Variants in C14orf93 observed in about 807,000 individuals in gnomAD.
C14orf93 encodes the protein chromosome 14 open reading frame 93.
C14orf93 carries 23 observed loss-of-function variants against 44.0 expected under a neutral mutation model. The ratio of observed to expected loss-of-function variants is 0.52; its 90% confidence interval spans 0.38 to 0.74. The LOEUF is 0.74. Among genes scored for constraint, C14orf93 ranks in the 30% least tolerant of loss-of-function variants. C14orf93 has a pLI of 0.00. For synonymous variants in C14orf93, 253 were observed against 265.7 expected, an observed-to-expected ratio of 0.95 and a Z score of 0.46; for missense variants, 579 against 678.9, an observed-to-expected ratio of 0.85 and a Z score of 1.64.
chr14:22,990,466 T>C (rs1453344225), intron 3 of C14orf93, among the ~76,000 whole-genome samples: 1 of 149,218 alleles, frequency 6.7e-6, no homozygotes, highest in African/African-American at 2.4e-5. Flanking sequence ...TCTTTTTTAC[T>C]TTTCTTTCTT....
chr14:23,009,771 AT>A (rs1418184313), intron 1 of C14orf93, among the ~76,000 whole-genome samples: 2 of 152,162 alleles, frequency 1.3e-5, no homozygotes, highest in Admixed American at 6.5e-5. Context: ...CGCTTAAAAA[AT>A]TCTGTACTTC....
In C14orf93 at chr14:22,987,120, GCACAGAGCAT is replaced by G; in HGVS notation, c.*85_*94del. 7.5e-7 allele frequency: 1 copy of G among 1,341,042 alleles called. No individual in the cohort carries two copies. Among genetic ancestry groups the G allele is most frequent in the Non-Finnish European group, 1.0e-6 (1 of 990,070 alleles). 83.1% of individuals were successfully genotyped at this position (1,341,042 alleles called of 1,614,324 possible). A position where few individuals can be genotyped will look rare whatever the true frequency, so the allele number is the denominator to read the frequency against. On this transcript the variant is annotated 3_prime_UTR_variant, in exon 7 of 7. Coordinates refer to ENST00000299088, the MANE Select transcript of C14orf93 (RefSeq NM_021944.4). This position sits in a 1 kb window ranked among gnomAD's most constrained non-coding sequence, Gnocchi z 5.6. ...AGAGGCAAATTTGCTTTCTCAGACT[GCACAGAGCAT>G]CTCATTATTTTGTGAAGCCCCATGG...
At chr14:23,008,882 A>T (rs1049991960) in intron 1 of C14orf93, among the ~76,000 whole-genome samples, 2 of 152,176 alleles carry the variant, frequency 1.3e-5, no homozygotes, top group Non-Finnish European at 1.5e-5. Context: ...ATCACCATGA[A>T]CAGTTTTTGA....
At chr14:23,006,532 A>G (rs186567265) in intron 1 of C14orf93, 18 of 152,358 alleles carry the variant, frequency 1.2e-4, no homozygotes, top group African/African-American at 4.3e-4. Context: ...ACATTTGCTA[A>G]GATTACATTG....
In C14orf93 at chr14:22,992,479, AAAG is replaced by A. The variant is rs2045708082; in HGVS notation, c.919-2355_919-2353del. 2.0e-5 allele frequency among the ~76,000 whole-genome samples: 3 copies of A among 151,272 alleles called. No individual in the cohort carries two copies. The South Asian group carries it at 6.2e-4, about 31-fold the overall frequency. On this transcript the variant is annotated intron_variant, in intron 3 of 6. Coordinates refer to ENST00000299088, the MANE Select transcript of C14orf93 (RefSeq NM_021944.4). ...AGACTCTGTTTCAAAAAAAAAAAAA[AAAG>A]AAAGAAAAAGTTTTGCCTTAGATGC...
intron 5 of C14orf93, among the ~76,000 whole-genome samples, chr14:22,988,421 G>A (rs929797604): frequency 1.6e-4 from 24 of 152,300 alleles, no homozygotes; most frequent in Admixed American, 1.6e-3. Context: ...AGCCGTGCCT[G>A]GCCTAGATGC....
Position 22,987,644 on chromosome 14 carries a change from G to A in C14orf93, c.1198-10C>T. The A allele has an allele frequency of 6.4e-7, 1 of 1,568,348 alleles. No homozygotes were observed. Among genetic ancestry groups the A allele is most frequent in the Non-Finnish European group, 8.6e-7 (1 of 1,158,756 alleles). ...ATCGGTTGGCAAAAAGCTAAGGCAG[G>A]AACCCAGGAGATAGATTAGGAAGGT... On this transcript the variant is annotated splice_polypyrimidine_tract_variant and intron_variant, in intron 6 of 6. Coordinates refer to ENST00000299088, the MANE Select transcript of C14orf93 (RefSeq NM_021944.4). This position sits in a 1 kb window ranked among gnomAD's most constrained non-coding sequence, Gnocchi z 5.6.
At chr14:23,000,334 T>C (rs1022694359) in intron 1 of C14orf93, among the ~76,000 whole-genome samples, 1 of 152,160 alleles carries the variant, frequency 6.6e-6, no homozygotes, top group Non-Finnish European at 1.5e-5. Context: ...ATCCTTCTGA[T>C]GTGCCATGTC....
intron 3 of C14orf93, among the ~76,000 whole-genome samples, chr14:22,992,512 A>G (rs2045710742): frequency 6.6e-6 from 1 of 151,348 alleles, no homozygotes; most frequent in Non-Finnish European, 1.5e-5. Context: ...AGATGCTTCA[A>G]AATCTGTTCC....
intron 3 of C14orf93, among the ~76,000 whole-genome samples, chr14:22,992,334 C>T (rs1176055305): frequency 1.3e-5 from 2 of 151,714 alleles, no homozygotes; most frequent in African/African-American, 2.4e-5. Context: ...GGCGTGGTGG[C>T]GTGCGACTGT....
At chr14:22,997,424 G>A (rs1480233495) in intron 2 of C14orf93, among the ~76,000 whole-genome samples, 2 of 152,292 alleles carry the variant, frequency 1.3e-5, no homozygotes, top group East Asian at 3.9e-4. Context: ...TCTTGTTGTG[G>A]GGGGAGGAGA....
intron 3 of C14orf93, among the ~76,000 whole-genome samples, chr14:22,995,253 C>G (rs1002159894): frequency 6.6e-6 from 1 of 152,230 alleles, no homozygotes; most frequent in African/African-American, 2.4e-5. Flanking sequence ...AGGACAGCTT[C>G]ACTTGCTTTT....
chr14:23,000,608 C>T (rs1329244410), intron 1 of C14orf93, among the ~76,000 whole-genome samples: 6 of 149,204 alleles, frequency 4.0e-5, no homozygotes, highest in Admixed American at 3.4e-4. Context: ...CCCAGCTACT[C>T]GGGAGGTTGA....
Position 22,987,186 on chromosome 14 carries a change from G to A in C14orf93, c.*29C>T. The A allele has an allele frequency of 6.4e-7, 1 of 1,571,848 alleles. No individual in the cohort carries two copies. Among genetic ancestry groups the A allele is most frequent in the African/African-American group, 1.3e-5 (1 of 74,240 alleles). The stretch of plus-strand genomic sequence containing the variant: ...TATTTCTGAGACATGGGGCATGGCG[G>A]AAGCCAGAGTTATTCTTGGCTGTAG... On this transcript the variant is annotated 3_prime_UTR_variant, in exon 7 of 7. Coordinates refer to ENST00000299088, the MANE Select transcript of C14orf93 (RefSeq NM_021944.4). The surrounding 1 kb of genome is among the most constrained non-coding windows in gnomAD (Gnocchi z 5.6).
At chr14:23,002,157 A>C (rs2046341895) in intron 1 of C14orf93, among the ~76,000 whole-genome samples, 2 of 150,526 alleles carry the variant, frequency 1.3e-5, no homozygotes, top group Middle Eastern at 3.5e-3. Flanking sequence ...TCAAAAAAAA[A>C]AAAAAAAGGG....
Position 22,986,773 on chromosome 14 carries a change from G to C in C14orf93, c.*442C>G, listed in dbSNP as rs2045247207. ...CCAGGTGGCGGTATTAACCTGCACT[G>C]GTCATGTTCGGTTTCCACTGCAGAG... is the stretch of plus-strand genomic sequence containing the variant. On this transcript the variant is annotated 3_prime_UTR_variant, in exon 7 of 7. Coordinates refer to ENST00000299088, the MANE Select transcript of C14orf93 (RefSeq NM_021944.4). 1 of 191,308 alleles carries C rather than the reference G, an allele frequency of 5.2e-6. No homozygotes were observed. The highest frequency in any genetic ancestry group is 1.1e-5 in the Non-Finnish European group (1 of 90,826). 11.9% of individuals were successfully genotyped at this position (191,308 alleles called of 1,614,324 possible). A position where few individuals can be genotyped will look rare whatever the true frequency, so the allele number is the denominator to read the frequency against.
In C14orf93 at chr14:23,003,026, T is replaced by G. The variant is rs74913575; in HGVS notation, c.-379-3624A>C. On this transcript the variant is annotated intron_variant, in intron 1 of 6. Transcript: ENST00000299088. Reference sequence around the variant, plus strand: ...AATTAGAAAGGTAATTTAGTATTTGTAATTTACTTGCTATCATGACCTGGT... The same window carrying G: ...AATTAGAAAGGTAATTTAGTATTTGGAATTTACTTGCTATCATGACCTGGT... 2.4e-3 allele frequency among the ~76,000 whole-genome samples: 367 copies of G among 152,366 alleles called. 1 individual carries two copies. Among genetic ancestry groups the G allele is most frequent in the African/African-American group, 8.4e-3 (349 of 41,580 alleles).
At position 22,987,449 on chromosome 14, in the gene C14orf93, A is replaced by C. The variant is rs760765993; in HGVS notation, c.1383T>G (p.Ala461=). The part of the protein sequence containing the change: ...RLTELCYHLD[A]NSKHGTKANR... The stretch of plus-strand genomic sequence containing the variant: ...TGGCTTTGGTGCCATGCTTAGAGTT[A>C]GCATCCAGGTGGTAGCAGAGCTCTG... The change falls in exon 7 of 7, where the codon GCT becomes GCG. Residue 461 remains alanine (A), a synonymous_variant. Transcript: ENST00000299088. The surrounding 1 kb of genome is among the most constrained non-coding windows in gnomAD (Gnocchi z 5.6). 1 of 1,614,246 alleles carries C rather than the reference A, an allele frequency of 6.2e-7. No homozygotes were observed. Among genetic ancestry groups the C allele is most frequent in the South Asian group, 1.1e-5 (1 of 91,090 alleles).
intron 5 of C14orf93, among the ~76,000 whole-genome samples, chr14:22,989,324 A>G (rs945161615): frequency 6.6e-6 from 1 of 152,194 alleles, no homozygotes; most frequent in Admixed American, 6.6e-5. Flanking sequence ...AAGCTTTCAT[A>G]ATACTTCAGG....
Sources: gnomAD v4.1 joint callset for allele counts (sites outside exome capture counted in the v4.1 genomes callset) on GRCh38, gnomAD v4.1.1 for gene constraint, Gnocchi (gnomAD v3.1) non-coding constraint, MANE v1.5 for transcripts, NCBI Gene and HGNC (gene_info 2026-07-23, HGNC 2026-07-21) for gene names.